The following VPS8 variants were observed in gnomAD, a reference collection of about 807,000 sequenced individuals.
VPS8 encodes the protein VPS8 subunit of CORVET complex.
Under a neutral mutation model 216.4 loss-of-function variants are expected in VPS8, and 129 were observed. The ratio of observed to expected loss-of-function variants is 0.60; its 90% CI spans 0.52 to 0.69. VPS8 has a LOEUF of 0.69. VPS8 is among the 30% of genes least tolerant of loss of function. The pLI is 0.00. For missense variants in VPS8, 1,531 were observed against 1,683.5 expected (o/e 0.91, Z 1.59); for synonymous variants, 571 against 565.4 (o/e 1.01, Z -0.14).
At chr3:184,901,018 GTA>G in intron 25 of VPS8, 46 bp downstream of exon 25, 1 of 1,552,596 alleles carries the variant, frequency 6.4e-7, no homozygotes, top group Non-Finnish European at 8.8e-7. Flanking sequence ...TGTATTTAAG[GTA>G]TTATTTAAAT....
chr3:184,867,181 T>C (rs1412872275), intron 17 of VPS8, among the ~76,000 whole-genome samples: 3 of 152,234 alleles, frequency 2.0e-5, no homozygotes, highest in African/African-American at 4.8e-5. Context: ...CTTATTTTCT[T>C]GATTCAGAGA....
chr3:184,992,341 T>C (rs1752009738), intron 42 of VPS8, among the ~76,000 whole-genome samples: 1 of 152,186 alleles, frequency 6.6e-6, no homozygotes, highest in South Asian at 2.1e-4. Flanking sequence ...TAGTTTATCA[T>C]TTACTTACCT....
At chr3:184,976,449 A>G (rs941920086) in intron 40 of VPS8, among the ~76,000 whole-genome samples, 15 of 151,890 alleles carry the variant, frequency 9.9e-5, no homozygotes, top group African/African-American at 2.9e-4. Context: ...AGAATCAGAC[A>G]GTACATGACT....
intron 40 of VPS8, among the ~76,000 whole-genome samples, chr3:184,975,462 GT>G (rs1260542388): frequency 6.6e-6 from 1 of 151,582 alleles, no homozygotes; most frequent in Non-Finnish European, 1.5e-5. Flanking sequence ...GAGTCTTTAG[GT>G]TTTCATATCT....
chr3:184,828,198 G>C (rs1019824097), intron 3 of VPS8, among the ~76,000 whole-genome samples: 1 of 152,122 alleles, frequency 6.6e-6, no homozygotes, highest in Admixed American at 6.5e-5. Context: ...GTAGTGCAAT[G>C]GCACGATCTT....
At chr3:184,946,464 C>T (rs1473770846) in intron 36 of VPS8, among the ~76,000 whole-genome samples, 1 of 152,240 alleles carries the variant, frequency 6.6e-6, no homozygotes, top group Admixed American at 6.5e-5. Flanking sequence ...ATCATCTTTG[C>T]AGTGGCAGCT....
At chr3:184,994,158 C>T (rs1264628118) in intron 43 of VPS8, 95 bp downstream of exon 43, 3 of 879,028 alleles carry the variant, frequency 3.4e-6, no homozygotes, top group East Asian at 3.1e-5. Flanking sequence ...AAATTACCAT[C>T]TATTTACTGG....
At chr3:184,847,202 A>G (rs768993897) in intron 8 of VPS8, among the ~76,000 whole-genome samples, 2 of 152,214 alleles carry the variant, frequency 1.3e-5, no homozygotes, top group African/African-American at 4.8e-5. Context: ...TCTATGTGCT[A>G]TGTAGTTATA....
At chr3:184,944,930 G>A (rs1743406937) in intron 36 of VPS8, among the ~76,000 whole-genome samples, 2 of 151,920 alleles carry the variant, frequency 1.3e-5, no homozygotes, top group Non-Finnish European at 2.9e-5. Flanking sequence ...ATATTTCAAA[G>A]TTAAAATACA....
chr3:184,870,459 A>G (rs1014679744), intron 20 of VPS8, among the ~76,000 whole-genome samples: 7 of 152,180 alleles, frequency 4.6e-5, no homozygotes, highest in Admixed American at 2.6e-4. Flanking sequence ...TGAATGTTTC[A>G]TTTCCTGAGC....
In VPS8 at chr3:184,860,019, C is replaced by T; in HGVS notation, c.1178C>T (p.Thr393Ile). ...KRDESGAIHV[T>I]KQKHLHLYYD... ...GATGAATCTGGAGCAATACATGTTA[C>T]TAAGCAAAAGCATCTTCACCTATAC... The change falls in exon 15 of 48, where the codon ACT (threonine) becomes ATT (isoleucine). Residue 393 changes from threonine to isoleucine, a missense_variant. By Grantham distance (89) the Thr-to-Ile change is moderately conservative. Transcript: ENST00000625842. The T allele has an allele frequency of 1.2e-6, 2 of 1,613,346 alleles. No individual in the cohort carries two copies. The highest frequency in any genetic ancestry group is 4.5e-5 in the East Asian group (2 of 44,818).
rs1718841568 is a variant in VPS8, at chr3:184,826,629, T to C, written c.222+398T>C. Among the ~76,000 whole-genome samples the C allele has an allele frequency of 2.0e-5, 3 of 152,252 alleles. No homozygotes were observed. The South Asian group carries it at 6.2e-4, about 32-fold the overall frequency. On this transcript the variant is annotated intron_variant, in intron 3 of 47. Transcript: ENST00000625842. ...CTAATACTTGGCAGACTTTAAAATA[T>C]ATTTTATTAAGTGAATTGAGATGCA...
In VPS8 at chr3:184,914,522, G is replaced by A. The variant is rs369337817; in HGVS notation, c.2190-459G>A. Reference sequence around the variant, plus strand: ...CTAATTCTCCCCGGTTTGTCCTGTCGCAGACTTCCCAGACATTTAGCCTCT... The same window carrying A: ...CTAATTCTCCCCGGTTTGTCCTGTCACAGACTTCCCAGACATTTAGCCTCT... On this transcript the variant is annotated intron_variant, in intron 26 of 47. Coordinates refer to ENST00000625842, the MANE Select transcript of VPS8 (RefSeq NM_001009921.3). 6.6e-5 allele frequency among the ~76,000 whole-genome samples: 10 copies of A among 152,254 alleles called. No homozygotes were observed. The South Asian group carries it at 8.3e-4, about 13-fold the overall frequency.
chr3:184,824,901 T>C, intron 2 of VPS8, 116 bp downstream of exon 2: 1 of 1,004,054 alleles, frequency 1.0e-6, no homozygotes, highest in Non-Finnish European at 1.4e-6. Flanking sequence ...GGAGTCTGTG[T>C]ATAATTTTTT....
intron 38 of VPS8, among the ~76,000 whole-genome samples, chr3:184,965,952 AC>A (rs1324572029): frequency 2.0e-5 from 3 of 152,186 alleles, no homozygotes; most frequent in Non-Finnish European, 4.4e-5. Flanking sequence ...TTTACTCATA[AC>A]CCAGTATATT....
intron 21 of VPS8, among the ~76,000 whole-genome samples, chr3:184,882,962 C>G (rs1730534742): frequency 6.6e-6 from 1 of 152,130 alleles, no homozygotes; most frequent in South Asian, 2.1e-4. Flanking sequence ...AGAAGTTTGT[C>G]AGTTCTAATC....
intron 1 of VPS8, among the ~76,000 whole-genome samples, chr3:184,822,603 A>G (rs1717842940): frequency 6.6e-6 from 1 of 152,250 alleles, no homozygotes; most frequent in Non-Finnish European, 1.5e-5. Flanking sequence ...ATAAAAGTTA[A>G]TAACTATCTT....
chr3:184,854,342 A>G (rs1311847043), intron 13 of VPS8, among the ~76,000 whole-genome samples, 169 bp downstream of exon 13: 2 of 152,222 alleles, frequency 1.3e-5, no homozygotes, highest in Admixed American at 6.5e-5. Context: ...TCAAAGCATC[A>G]TAAAGCTGAT....
rs565356822 is a variant in VPS8 at position 184,898,671 on chromosome 3, C to T, written c.2094+17C>T. ...CCAATGGAGGTAAGATACTTCCTAA[C>T]TTGGATACGTAATTAATTTTGTCTA... is the stretch of plus-strand genomic sequence containing the variant. On this transcript the variant is annotated intron_variant, in intron 24 of 47. Transcript: ENST00000625842. The T allele has an allele frequency of 4.0e-6, 6 of 1,508,866 alleles. No individual in the cohort carries two copies. In the East Asian group the frequency reaches 1.5e-4, roughly 38 times the overall value. 93.5% of individuals were successfully genotyped at this position (1,508,866 alleles called of 1,614,324 possible).
Sources: allele counts gnomAD v4.1 joint callset (sites outside exome capture counted in the v4.1 genomes callset), GRCh38; gene constraint gnomAD v4.1.1; transcripts MANE v1.5; gene names NCBI Gene and HGNC (gene_info 2026-07-23, HGNC 2026-07-21).